FLT1: variants seen among roughly 807,000 people sequenced by gnomAD.
The protein encoded by FLT1 is vascular endothelial growth factor receptor 1.
In FLT1, 49 loss-of-function variants were observed where a neutral mutation model predicts 156.3. The observed-to-expected ratio is 0.31, with a 90% CI of 0.25 to 0.40. FLT1 has a LOEUF of 0.40. Ranked by LOEUF, FLT1 falls within the 10% of genes least tolerant of loss-of-function variation. FLT1 has a pLI of 1.00. For missense variants in FLT1, 1,322 were observed against 1,637.2 expected (o/e 0.81, Z 3.32); for synonymous variants, 594 against 583.8 (o/e 1.02, Z -0.25).
Position 28,368,702 on chromosome 13 carries a change from G to C in FLT1, c.2117-11017C>G, listed in dbSNP as rs559922743. The C allele has an allele frequency of 7.9e-5, 52 of 660,266 alleles. No individual in the cohort carries two copies. In the African/African-American group the frequency reaches 1.0e-3, roughly 13 times the overall value. The allele number at this position is 660,266 out of a possible 1,614,324, so 40.9% of individuals were successfully genotyped here. A position where few individuals can be genotyped will look rare whatever the true frequency, so the allele number is the denominator to read the frequency against. On this transcript the variant is annotated intron_variant, in intron 14 of 29. Transcript: ENST00000282397. ...AAATAATCATATCTTTAGATTGGCA[G>C]CTTTTTTTTTTTTTTTTTTGAGACA...
rs529510884 is a variant in FLT1, at chr13:28,343,937, C to T, written c.2355+1508G>A. 9.7e-4 allele frequency among the ~76,000 whole-genome samples: 147 copies of T among 152,216 alleles called. 1 individual carries two copies. The highest frequency in any genetic ancestry group is 3.4e-3 in the Middle Eastern group (1 of 294). ...GATTACAGGCGTGAGCCACCGCGCC[C>T]GGCAGCCACCATAATTTCTTACCTG... On this transcript the variant is annotated intron_variant, in intron 16 of 29. Coordinates refer to ENST00000282397, the MANE Select transcript of FLT1 (RefSeq NM_002019.4).
chr13:28,374,612 T>C (rs1030409023), intron 14 of FLT1, among the ~76,000 whole-genome samples: 74 of 151,494 alleles, frequency 4.9e-4, no homozygotes, highest in African/African-American at 1.6e-3. Flanking sequence ...CCCAGGTTCA[T>C]GCCATTCTCC....
intron 15 of FLT1, among the ~76,000 whole-genome samples, chr13:28,356,183 T>C (rs1415979431): frequency 6.6e-6 from 1 of 152,224 alleles, no homozygotes; most frequent in Non-Finnish European, 1.5e-5. Context: ...CAGACCTCTC[T>C]GGAGGTTTAT....
chr13:28,374,478 G>C (rs1873756628), intron 14 of FLT1, among the ~76,000 whole-genome samples: 1 of 151,644 alleles, frequency 6.6e-6, no homozygotes, highest in Admixed American at 6.6e-5. Flanking sequence ...TTTTTCTAAA[G>C]TGATGCCCAC....
At position 28,405,216 on chromosome 13, in the gene FLT1, G is replaced by T. The variant is rs553627137; in HGVS notation, c.1551+564C>A. 1.4e-3 allele frequency among the ~76,000 whole-genome samples: 206 copies of T among 152,208 alleles called. 2 individuals carry two copies. Among genetic ancestry groups the T allele is most frequent in the African/African-American group, 4.9e-3 (202 of 41,524 alleles). ...TAGGGGAGTATAAAATGAATAGTGC[G>T]CTGATGAGGTCAAGGAATCTTGATA... On this transcript the variant is annotated intron_variant, in intron 11 of 29. Transcript: ENST00000282397.
Position 28,302,229 on chromosome 13 carries a change from T to A in FLT1, c.*938A>T, listed in dbSNP as rs1457625493. On this transcript the variant is annotated 3_prime_UTR_variant, in exon 30 of 30. Coordinates refer to ENST00000282397, the MANE Select transcript of FLT1 (RefSeq NM_002019.4). ...TAATACCAAGAAATTGAGTTAAGTG[T>A]CTGGACTATATATTAATACCCAAAA... 4.3e-6 allele frequency: 1 copy of A among 233,166 alleles called. No homozygotes were observed. The highest frequency in any genetic ancestry group is 6.0e-5 in the East Asian group (1 of 16,596). 14.4% of individuals were successfully genotyped at this position (233,166 alleles called of 1,614,324 possible).
chr13:28,329,400 G>GTCCT (rs1644920021), intron 19 of FLT1, among the ~76,000 whole-genome samples: 1 of 152,220 alleles, frequency 6.6e-6, no homozygotes, highest in Admixed American at 6.5e-5. Flanking sequence ...CAAAAAGGGA[G>GTCCT]TCCTCTTCAG....
intron 29 of FLT1, among the ~76,000 whole-genome samples, chr13:28,305,919 A>C (rs989897429): frequency 1.3e-5 from 2 of 152,182 alleles, no homozygotes; most frequent in African/African-American, 4.8e-5. Context: ...TTTGCTGACT[A>C]TCTAGCCCTT....
At chr13:28,373,674 T>C (rs894234847) in intron 14 of FLT1, among the ~76,000 whole-genome samples, 9 of 152,190 alleles carry the variant, frequency 5.9e-5, no homozygotes, top group African/African-American at 1.7e-4. Context: ...TTTCCTTCTG[T>C]AGTCATCCAA....
intron 15 of FLT1, among the ~76,000 whole-genome samples, chr13:28,352,271 C>A (rs1325746964): frequency 6.6e-6 from 1 of 152,202 alleles, no homozygotes; most frequent in Non-Finnish European, 1.5e-5. Context: ...AACTGTACTT[C>A]CTTGTACCTG....
intron 19 of FLT1, 114 bp from the exon 20 acceptor site, chr13:28,327,664 C>T (rs561365771): frequency 4.3e-6 from 3 of 699,674 alleles, no homozygotes; most frequent in Admixed American, 2.0e-5. Flanking sequence ...ATTAGTGGGG[C>T]GAAGGGATGC....
rs114287091 is a variant in FLT1 at position 28,403,085 on chromosome 13, C to A, written c.1551+2695G>T. Among the ~76,000 whole-genome samples the A allele has an allele frequency of 5.7e-3, 866 of 152,266 alleles. 6 individuals carry two copies. Among genetic ancestry groups the A allele is most frequent in the African/African-American group, 0.019 (806 of 41,546 alleles). ...TTGGGATTACAGGCATGAGGCACTG[C>A]GTCTGGCCTTCATTATGTTATTTCA... On this transcript the variant is annotated intron_variant, in intron 11 of 29. Coordinates refer to ENST00000282397, the MANE Select transcript of FLT1 (RefSeq NM_002019.4).
At chr13:28,442,002 A>G (rs1188308870) in intron 3 of FLT1, among the ~76,000 whole-genome samples, 1 of 152,218 alleles carries the variant, frequency 6.6e-6, no homozygotes, top group East Asian at 1.9e-4. Context: ...TTCATCCTCT[A>G]TAATAGAATG....
chr13:28,409,078 A>G (rs1293157708), intron 10 of FLT1, among the ~76,000 whole-genome samples: 1 of 152,198 alleles, frequency 6.6e-6, no homozygotes, highest in Non-Finnish European at 1.5e-5. Context: ...TCTACATTCC[A>G]AGTGGGAGCC....
chr13:28,388,134 C>A, intron 13 of FLT1: 1 of 1,057,508 alleles, frequency 9.5e-7, no homozygotes, highest in South Asian at 4.6e-5. Flanking sequence ...AGAAGCCAGG[C>A]CAAAGAGCCA....
rs1278080679 is a variant in FLT1 at position 28,412,356 on chromosome 13, C to CTT, written c.1437-6464_1437-6463dup. Among the ~76,000 whole-genome samples the CTT allele has an allele frequency of 1.9e-5, 2 of 106,360 alleles. 1 individual carries two copies. The highest frequency in any genetic ancestry group is 4.0e-5 in the Non-Finnish European group (2 of 50,178). 69.8% of individuals were successfully genotyped at this position (106,360 alleles called of 152,430 possible). A position where few individuals can be genotyped will look rare whatever the true frequency, so the allele number is the denominator to read the frequency against. On this transcript the variant is annotated intron_variant, in intron 10 of 29. Coordinates refer to ENST00000282397, the MANE Select transcript of FLT1 (RefSeq NM_002019.4). Reference sequence around the variant, plus strand: ...TTTCTTTCTTTCTTTCTTTCTCTTTCTTTCTTTCTTTCTTTCTTTCTTTCT... The same window carrying CTT: ...TTTCTTTCTTTCTTTCTTTCTCTTTCTTTTTCTTTCTTTCTTTCTTTCTTTCT...
chr13:28,386,888 C>G lies in FLT1; in HGVS notation c.1970-1857G>C, dbSNP rs529664912. 3.4e-5 allele frequency: 36 copies of G among 1,047,536 alleles called. No homozygotes were observed. The African/African-American group carries it at 5.3e-4, about 15-fold the overall frequency. The allele number at this position is 1,047,536 out of a possible 1,614,324, so 64.9% of individuals were successfully genotyped here. A position where few individuals can be genotyped will look rare whatever the true frequency, so the allele number is the denominator to read the frequency against. ...ACTGAGTTATACTTTTAATAGCTTCCTCAGCACACTATTTCCCATGCATTA... is the reference window on the plus strand; with the variant it reads ...ACTGAGTTATACTTTTAATAGCTTCGTCAGCACACTATTTCCCATGCATTA... On this transcript the variant is annotated intron_variant, in intron 13 of 29. Transcript: ENST00000282397.
chr13:28,488,564 G>A (rs1881296222), intron 1 of FLT1, among the ~76,000 whole-genome samples: 1 of 152,172 alleles, frequency 6.6e-6, no homozygotes, highest in African/African-American at 2.4e-5. Flanking sequence ...TGATGTTGCT[G>A]GACCTCGGAG....
chr13:28,436,848 A>G (rs1376643796), intron 4 of FLT1, among the ~76,000 whole-genome samples: 1 of 152,174 alleles, frequency 6.6e-6, no homozygotes, highest in Non-Finnish European at 1.5e-5. Context: ...CAGCAATGTG[A>G]GGTGGTACTA....
Sources: gnomAD v4.1 joint callset for allele counts (sites outside exome capture counted in the v4.1 genomes callset) on GRCh38, gnomAD v4.1.1 for gene constraint, MANE v1.5 for transcripts, NCBI Gene and HGNC (gene_info 2026-07-23, HGNC 2026-07-21) for gene names.